RFTN1: variants seen among roughly 807,000 people sequenced by gnomAD.
RFTN1 encodes the protein raftlin.
In RFTN1, 26 loss-of-function variants were observed where a neutral mutation model predicts 46.5. The ratio of observed to expected loss-of-function variants is 0.56; its 90% CI spans 0.41 to 0.78. The LOEUF is 0.78. Among genes scored for constraint, RFTN1 ranks in the 30% least tolerant of loss-of-function variants. The pLI is 0.00. For synonymous variants in RFTN1, 261 were observed against 284.2 expected (o/e 0.92, Z 0.82); for missense variants, 693 against 718.7 (o/e 0.96, Z 0.41).
rs1279737177 is a variant in RFTN1 at position 16,484,876 on chromosome 3, G to T, written c.145+8849C>A. ...ATATCTCAATTTATTCTTCTATACC[G>T]TGGGGGTGACTCCACCTACCTCATA... On this transcript the variant is annotated intron_variant, in intron 2 of 9. Coordinates refer to ENST00000334133, the MANE Select transcript of RFTN1 (RefSeq NM_015150.2). This position sits in a 1 kb window ranked among gnomAD's most constrained non-coding sequence, Gnocchi z 4.6. 1.3e-5 allele frequency: 2 copies of T among 152,198 alleles called. No homozygotes were observed. Among genetic ancestry groups the T allele is most frequent in the African/African-American group, 4.8e-5 (2 of 41,446 alleles). 9.4% of individuals were successfully genotyped at this position (152,198 alleles called of 1,614,324 possible). A position where few individuals can be genotyped will look rare whatever the true frequency, so the allele number is the denominator to read the frequency against.
intron 4 of RFTN1, among the ~76,000 whole-genome samples, chr3:16,379,633 A>G (rs1023080061): frequency 9.2e-5 from 14 of 152,196 alleles, no homozygotes; most frequent in Admixed American, 7.2e-4. Flanking sequence ...TCAACTACAT[A>G]CATGTCTATG....
intron 5 of RFTN1, among the ~76,000 whole-genome samples, chr3:16,375,349 C>T (rs142697102): frequency 6.6e-6 from 1 of 151,916 alleles, no homozygotes; most frequent in Non-Finnish European, 1.5e-5. Flanking sequence ...AGGCCAAATA[C>T]TCAAGCTGTG....
At position 16,329,268 on chromosome 3, in the gene RFTN1, T is replaced by G. The variant is rs149090257; in HGVS notation, c.1147-2392A>C. ...CCAGGACCAGGAGCCAAGAACTGTCTGTCCTTTATAAATTGCCTGATCTCA... is the reference window on the plus strand; with the variant it reads ...CCAGGACCAGGAGCCAAGAACTGTCGGTCCTTTATAAATTGCCTGATCTCA... On this transcript the variant is annotated intron_variant, in intron 7 of 9. Transcript: ENST00000334133. The surrounding 1 kb of genome is among the most constrained non-coding windows in gnomAD (Gnocchi z 4.5). 6.6e-6 allele frequency among the ~76,000 whole-genome samples: 1 copy of G among 152,204 alleles called. No individual in the cohort carries two copies. The highest frequency in any genetic ancestry group is 6.5e-5 in the Admixed American group (1 of 15,282).
At chr3:16,438,819 A>AATGGGAG (rs1010408879) in intron 2 of RFTN1, among the ~76,000 whole-genome samples, 9 of 152,116 alleles carry the variant, frequency 5.9e-5, no homozygotes, top group African/African-American at 1.9e-4. Flanking sequence ...GGCTGTGGTG[A>AATGGGAG]ATGGGAGGAC....
chr3:16,411,285 G>A (rs1010091216), intron 3 of RFTN1, among the ~76,000 whole-genome samples: 6 of 152,098 alleles, frequency 3.9e-5, no homozygotes, highest in South Asian at 4.1e-4. Flanking sequence ...AAATTTCTAA[G>A]ATTCTTATAT....
rs904997525 is a variant in RFTN1 at position 16,335,337 on chromosome 3, A to G, written c.1147-8461T>C. ...ATGAACGAAAATGGGCTGAGTGGGA[A>G]GGAATCAGCCCTTGGACAATCCTGC... On this transcript the variant is annotated intron_variant, in intron 7 of 9. Coordinates refer to ENST00000334133, the MANE Select transcript of RFTN1 (RefSeq NM_015150.2). The surrounding 1 kb of genome is among the most constrained non-coding windows in gnomAD (Gnocchi z 4.7). Among the ~76,000 whole-genome samples, 17 of 152,198 alleles carry G rather than the reference A, an allele frequency of 1.1e-4. No homozygotes were observed. The highest frequency in any genetic ancestry group is 4.1e-4 in the African/African-American group (17 of 41,464).
At chr3:16,445,918 G>C (rs1296916053) in intron 2 of RFTN1, among the ~76,000 whole-genome samples, 2 of 151,250 alleles carry the variant, frequency 1.3e-5, no homozygotes, top group African/African-American at 4.9e-5. Context: ...ATTGTTCATT[G>C]AAGTTTTTTT....
rs551235796 is a variant in RFTN1 at position 16,426,032 on chromosome 3, T to A, written c.332+7819A>T. Among the ~76,000 whole-genome samples, 30 of 152,248 alleles carry A rather than the reference T, an allele frequency of 2.0e-4. No homozygotes were observed. The highest frequency in any genetic ancestry group is 6.7e-4 in the African/African-American group (28 of 41,556). On this transcript the variant is annotated intron_variant, in intron 3 of 9. Coordinates refer to ENST00000334133, the MANE Select transcript of RFTN1 (RefSeq NM_015150.2). This position sits in a 1 kb window ranked among gnomAD's most constrained non-coding sequence, Gnocchi z 5.9. The stretch of plus-strand genomic sequence containing the variant: ...CACATGCTAAACAAACACCTTCTCA[T>A]TCCCCGCTCTGCCTTAAGCAAGAGC...
chr3:16,393,070 ACAAAC>A (rs1231708867), intron 4 of RFTN1, among the ~76,000 whole-genome samples: 73 of 152,156 alleles, frequency 4.8e-4, no homozygotes, highest in African/African-American at 1.5e-3. Context: ...AAACAAACAA[ACAAAC>A]AAAAAATGAC....
chr3:16,342,208 C>G lies in RFTN1; in HGVS notation c.1147-15332G>C, dbSNP rs996487294. The stretch of plus-strand genomic sequence containing the variant: ...ATTAGCAGTCACTCCCCTTTCCCCC[C>G]ACCCACCCCGAGGCAACCACGAGTC... On this transcript the variant is annotated intron_variant, in intron 7 of 9. Transcript: ENST00000334133. The surrounding 1 kb of genome is among the most constrained non-coding windows in gnomAD (Gnocchi z 4.0). 6.6e-6 allele frequency among the ~76,000 whole-genome samples: 1 copy of G among 152,158 alleles called. No individual in the cohort carries two copies.
chr3:16,427,698 T>G lies in RFTN1; in HGVS notation c.332+6153A>C, dbSNP rs978706166. On this transcript the variant is annotated intron_variant, in intron 3 of 9. Transcript: ENST00000334133. The surrounding 1 kb of genome is among the most constrained non-coding windows in gnomAD (Gnocchi z 5.4). ...TTCTAGAACAAGGACTGCAGTAGCC[T>G]TGGCTAAGTCAGCAGCTAGAGAAGT... 6.6e-6 allele frequency among the ~76,000 whole-genome samples: 1 copy of G among 152,230 alleles called. No individual in the cohort carries two copies. The highest frequency in any genetic ancestry group is 2.4e-5 in the African/African-American group (1 of 41,468).
In RFTN1 at chr3:16,449,930, A is replaced by C. The variant is rs1398069070; in HGVS notation, c.146-15893T>G. ...TCTAGAAAATGGCCCCATCTCTAGAAGTGACCAGGAAGCAGCAGGAGGAGG... is the reference window on the plus strand; with the variant it reads ...TCTAGAAAATGGCCCCATCTCTAGACGTGACCAGGAAGCAGCAGGAGGAGG... On this transcript the variant is annotated intron_variant, in intron 2 of 9. Transcript: ENST00000334133. The surrounding 1 kb of genome is among the most constrained non-coding windows in gnomAD (Gnocchi z 5.1). 6.6e-6 allele frequency among the ~76,000 whole-genome samples: 1 copy of C among 152,210 alleles called. No individual in the cohort carries two copies. Among genetic ancestry groups the C allele is most frequent in the Non-Finnish European group, 1.5e-5 (1 of 68,030 alleles).
intron 1 of RFTN1, among the ~76,000 whole-genome samples, chr3:16,495,475 T>A (rs2076609272): frequency 6.6e-6 from 1 of 152,246 alleles, no homozygotes; most frequent in African/African-American, 2.4e-5. Flanking sequence ...CAATGTGGTC[T>A]TTGCCCTCAA....
intron 3 of RFTN1, among the ~76,000 whole-genome samples, chr3:16,415,409 GTATA>G (rs367960866): frequency 1.1e-4 from 12 of 104,490 alleles, no homozygotes; most frequent in Admixed American, 3.3e-4. Context: ...AGACAGTTGA[GTATA>G]TATATATATA....
rs1020386725 is a variant in RFTN1, at chr3:16,440,181, C to G, written c.146-6144G>C. Among the ~76,000 whole-genome samples, 1 of 152,198 alleles carries G rather than the reference C, an allele frequency of 6.6e-6. No individual in the cohort carries two copies. The highest frequency in any genetic ancestry group is 1.5e-5 in the Non-Finnish European group (1 of 68,036). ...GCTGATCACACTTTTTCTCCACTTT[C>G]TAATCTGTCAGGTTCTATAGTTTTT... On this transcript the variant is annotated intron_variant, in intron 2 of 9. Coordinates refer to ENST00000334133, the MANE Select transcript of RFTN1 (RefSeq NM_015150.2). This position sits in a 1 kb window ranked among gnomAD's most constrained non-coding sequence, Gnocchi z 4.6.
intron 2 of RFTN1, among the ~76,000 whole-genome samples, chr3:16,488,015 G>A (rs545433293): frequency 6.6e-6 from 1 of 152,106 alleles, no homozygotes; most frequent in Non-Finnish European, 1.5e-5. Context: ...AGCCCCACAA[G>A]TGAGGCTGCA....
intron 3 of RFTN1, chr3:16,416,311 G>C (rs2075078781): frequency 9.9e-6 from 4 of 402,618 alleles, no homozygotes; most frequent in Admixed American, 8.9e-5. Context: ...CTGATTGCTG[G>C]AGGCAATGGA....
At position 16,317,922 on chromosome 3, in the gene RFTN1, G is replaced by A. The variant is rs1233834944; in HGVS notation, c.1333-690C>T. 6.6e-6 allele frequency among the ~76,000 whole-genome samples: 1 copy of A among 152,132 alleles called. No homozygotes were observed. Among genetic ancestry groups the A allele is most frequent in the African/African-American group, 2.4e-5 (1 of 41,420 alleles). On this transcript the variant is annotated intron_variant, in intron 9 of 9. Transcript: ENST00000334133. This position sits in a 1 kb window ranked among gnomAD's most constrained non-coding sequence, Gnocchi z 4.3. ...ATCCCAGCTCCAAGCCAACCTGGGG[G>A]ATTGTGACTGCATCACAGCCCAAAT...
chr3:16,482,062 T>C (rs188704468), intron 2 of RFTN1, among the ~76,000 whole-genome samples: 7 of 152,228 alleles, frequency 4.6e-5, no homozygotes, highest in Admixed American at 4.6e-4. Context: ...AACACTCATG[T>C]TCTTGATACC....
Sources: allele counts gnomAD v4.1 joint callset (sites outside exome capture counted in the v4.1 genomes callset), GRCh38; gene constraint gnomAD v4.1.1; non-coding constraint Gnocchi (gnomAD v3.1); transcripts MANE v1.5; gene names NCBI Gene and HGNC (gene_info 2026-07-23, HGNC 2026-07-21).